Variants in THSD4 observed in about 807,000 individuals in gnomAD.
The protein encoded by THSD4 is thrombospondin type-1 domain-containing protein 4.
THSD4 carries 69 observed loss-of-function variants against 119.0 expected under a neutral mutation model. That is an observed-to-expected ratio of 0.58 (90% CI 0.48 to 0.71). The LOEUF (loss-of-function observed/expected upper bound fraction) is 0.71. Ranked by LOEUF, THSD4 falls within the 30% of genes least tolerant of loss-of-function variation. THSD4 has a pLI of 0.00. For synonymous variants in THSD4, 524 were observed against 540.4 expected (o/e 0.97, Z 0.42); for missense variants, 1,393 against 1,391.1 (o/e 1.00, Z -0.02).
intron 7 of THSD4, among the ~76,000 whole-genome samples, chr15:71,440,118 A>G (rs780521442): frequency 2.6e-5 from 4 of 152,190 alleles, no homozygotes; most frequent in Non-Finnish European, 5.9e-5. Flanking sequence ...ATTCACCCAA[A>G]TGGACTAAGG....
At chr15:71,518,420 A>T (rs958000646) in intron 7 of THSD4, among the ~76,000 whole-genome samples, 3 of 152,154 alleles carry the variant, frequency 2.0e-5, no homozygotes, top group Non-Finnish European at 4.4e-5. Context: ...GGAAGTCCCT[A>T]CCTGCGTGGG....
chr15:71,164,787 C>T, intron 3 of THSD4: 1 of 1,589,722 alleles, frequency 6.3e-7, no homozygotes. Flanking sequence ...TCATCATCAT[C>T]TTCTTCTTCA....
At chr15:71,687,105 T>C (rs866389070) in intron 8 of THSD4, among the ~76,000 whole-genome samples, 9 of 152,258 alleles carry the variant, frequency 5.9e-5, no homozygotes, top group African/African-American at 1.4e-4. Context: ...CAACATTTAG[T>C]TGATAAAAGT....
intron 7 of THSD4, among the ~76,000 whole-genome samples, chr15:71,570,191 C>A (rs2049321921): frequency 6.6e-6 from 1 of 152,138 alleles, no homozygotes; most frequent in Non-Finnish European, 1.5e-5. Flanking sequence ...GTAATTATGA[C>A]ATAAGAACAC....
At position 71,531,502 on chromosome 15, in the gene THSD4, T is replaced by C. The variant is rs928864830; in HGVS notation, c.1152+119679T>C. Among the ~76,000 whole-genome samples the C allele has an allele frequency of 5.3e-5, 8 of 152,338 alleles. No individual in the cohort carries two copies. In the East Asian group the frequency reaches 9.7e-4, roughly 18 times the overall value. ...AAAAATGCAGTCAGTAAGATTCTTC[T>C]ACTGCATTGTGGTTAAGCACCTCGG... On this transcript the variant is annotated intron_variant, in intron 7 of 17. Transcript: ENST00000261862.
Position 71,595,591 on chromosome 15 carries a change from T to G in THSD4, c.1153-64939T>G, listed in dbSNP as rs149182569. Among the ~76,000 whole-genome samples, 270 of 128,288 alleles carry G rather than the reference T, an allele frequency of 2.1e-3. 1 individual carries two copies. Among genetic ancestry groups the G allele is most frequent in the African/African-American group, 7.9e-3 (261 of 33,192 alleles). 84.2% of individuals were successfully genotyped at this position (128,288 alleles called of 152,430 possible). Reference sequence around the variant, plus strand: ...CTTTATCAGCAGCTTTAAAATGAACTAATACACAAGCCATATGTTCAGAAC... The same window carrying G: ...CTTTATCAGCAGCTTTAAAATGAACGAATACACAAGCCATATGTTCAGAAC... On this transcript the variant is annotated intron_variant, in intron 7 of 17. Coordinates refer to ENST00000261862, the MANE Select transcript of THSD4 (RefSeq NM_024817.3).
chr15:71,592,719 C>T (rs185716186), intron 7 of THSD4, among the ~76,000 whole-genome samples: 75 of 152,122 alleles, frequency 4.9e-4, no homozygotes, highest in Non-Finnish European at 7.5e-4. Flanking sequence ...ATGTTTGGAA[C>T]GTAGCCTGCC....
At chr15:71,266,017 G>A (rs1046889159) in intron 6 of THSD4, among the ~76,000 whole-genome samples, 4 of 152,298 alleles carry the variant, frequency 2.6e-5, no homozygotes, top group East Asian at 1.9e-4. Context: ...GGGAAGGGGC[G>A]GATGTGAGCG....
At chr15:71,724,280 T>TAC in intron 8 of THSD4, among the ~76,000 whole-genome samples, 1 of 39,258 alleles carries the variant, frequency 2.5e-5, no homozygotes, top group South Asian at 1.5e-3. Flanking sequence ...TATATATATA[T>TAC]ATATATATTT....
chr15:71,097,363 G>A (rs572454710), intron 1 of THSD4, among the ~76,000 whole-genome samples: 3 of 152,082 alleles, frequency 2.0e-5, no homozygotes, highest in South Asian at 4.2e-4. Flanking sequence ...ACAGGAGTTC[G>A]CAACCAGCCT....
chr15:71,617,447 C>G (rs1265760081), intron 7 of THSD4, among the ~76,000 whole-genome samples: 1 of 152,066 alleles, frequency 6.6e-6, no homozygotes, highest in Non-Finnish European at 1.5e-5. Flanking sequence ...TCAGTTTCCT[C>G]TAAGGATTTC....
chr15:71,215,449 T>C (rs1366296345), intron 4 of THSD4, 50 bp downstream of exon 4: 1 of 1,461,346 alleles, frequency 6.8e-7, no homozygotes, highest in Non-Finnish European at 9.1e-7. Flanking sequence ...TCCCAGTATC[T>C]GCCCCTGTCC....
intron 7 of THSD4, among the ~76,000 whole-genome samples, chr15:71,552,161 AT>A (rs902097955): frequency 5.9e-5 from 9 of 152,336 alleles, no homozygotes; most frequent in African/African-American, 2.2e-4. Flanking sequence ...AGAAGCATCC[AT>A]TGTGAGGGGA....
At chr15:71,717,509 GC>G (rs1336239704) in intron 8 of THSD4, among the ~76,000 whole-genome samples, 1 of 151,362 alleles carries the variant, frequency 6.6e-6, no homozygotes, top group African/African-American at 2.4e-5. Flanking sequence ...CAACAAAATT[GC>G]CACAGGCTAA....
intron 6 of THSD4, among the ~76,000 whole-genome samples, chr15:71,310,478 G>A (rs1381502682): frequency 6.6e-6 from 1 of 152,126 alleles, no homozygotes; most frequent in Non-Finnish European, 1.5e-5. Context: ...TTATGCTTAG[G>A]TTCAACAAAG....
At position 71,215,241 on chromosome 15, in the gene THSD4, C is replaced by T; in HGVS notation, c.306C>T (p.Asp102=). Residue 102 remains aspartate, a synonymous_variant, in exon 4 of 18, where the codon GAC becomes GAT. Coordinates refer to ENST00000261862, the MANE Select transcript of THSD4 (RefSeq NM_024817.3). ...RPGAPARAFA[D]HVVSAVRTSV... ...GCGCCCCTGCGCGCGCCTTCGCGGA[C>T]CACGTGGTGTCGGCGGTGCGCACGT... The T allele has an allele frequency of 6.8e-7, 1 of 1,464,122 alleles. No individual in the cohort carries two copies. 90.7% of individuals were successfully genotyped at this position (1,464,122 alleles called of 1,614,324 possible).
At chr15:71,380,462 A>G (rs948512548) in intron 6 of THSD4, among the ~76,000 whole-genome samples, 4 of 152,118 alleles carry the variant, frequency 2.6e-5, no homozygotes, top group African/African-American at 9.7e-5. Context: ...GAATGGCTGC[A>G]TACAAATATT....
chr15:71,763,024 T>C (rs1045682463), intron 15 of THSD4, among the ~76,000 whole-genome samples: 2 of 152,192 alleles, frequency 1.3e-5, no homozygotes, highest in Admixed American at 1.3e-4. Context: ...TGAGCCGAGA[T>C]TGCACCACTG....
intron 7 of THSD4, among the ~76,000 whole-genome samples, chr15:71,466,572 TTGCTCCACCTTCTGGATCTCCCTCAAA>T (rs1405547347): frequency 6.6e-6 from 1 of 152,088 alleles, no homozygotes; most frequent in Non-Finnish European, 1.5e-5. Flanking sequence ...CCTCTAGGGT[TTGCTCCACCTTCTGGATCTCCCTCAAA>T]TGCTCCTCTT....
Sources: gnomAD v4.1 joint callset for allele counts (sites outside exome capture counted in the v4.1 genomes callset) on GRCh38, gnomAD v4.1.1 for gene constraint, MANE v1.5 for transcripts, NCBI Gene and HGNC (gene_info 2026-07-23, HGNC 2026-07-21) for gene names.